Variants in RNF13 observed in about 807,000 individuals in gnomAD.
RNF13 encodes ring finger protein 13.
A neutral mutation model predicts 37.7 loss-of-function variants in RNF13; 19 were observed. The ratio of observed to expected loss-of-function variants is 0.50; its 90% CI spans 0.35 to 0.74. The LOEUF (loss-of-function observed/expected upper bound fraction) is 0.74, where lower values mean the gene tolerates loss of function less well. Ranked by LOEUF, RNF13 falls within the 30% of genes least tolerant of loss-of-function variation. The pLI, the probability that RNF13 is intolerant of heterozygous loss-of-function variation, is 0.01. For missense variants in RNF13, 375 were observed against 453.0 expected (o/e 0.83, Z 1.56); for synonymous variants, 144 against 157.8 (o/e 0.91, Z 0.65).
At chr3:149,885,079 A>G (rs1476851955) in intron 4 of RNF13, among the ~76,000 whole-genome samples, 22 of 152,134 alleles carry the variant, frequency 1.4e-4, no homozygotes, top group Admixed American at 1.4e-3. Context: ...TAATGGCTGA[A>G]TAGTACTCCA....
intron 4 of RNF13, among the ~76,000 whole-genome samples, chr3:149,876,149 G>C (rs1270958923): frequency 6.6e-6 from 1 of 152,162 alleles, no homozygotes; most frequent in African/African-American, 2.4e-5. Flanking sequence ...GGGTATAATG[G>C]TAAGTCACCA....
intron 7 of RNF13, among the ~76,000 whole-genome samples, chr3:149,916,934 A>G (rs570573153): frequency 6.6e-6 from 1 of 152,274 alleles, no homozygotes; most frequent in African/African-American, 2.4e-5. Context: ...CTACAACAAT[A>G]ACTTTAGCTG....
intron 6 of RNF13, among the ~76,000 whole-genome samples, chr3:149,911,294 T>C (rs1359975490): frequency 2.0e-5 from 3 of 152,166 alleles, no homozygotes; most frequent in Non-Finnish European, 4.4e-5. Flanking sequence ...AGGTTCTTTT[T>C]GGTACCCAAG....
At chr3:149,936,360 A>G (rs571161500) in intron 8 of RNF13, among the ~76,000 whole-genome samples, 146 of 152,138 alleles carry the variant, frequency 9.6e-4, no homozygotes, top group Non-Finnish European at 1.0e-3. Flanking sequence ...TTGAAGGCCA[A>G]TGACTCTTAA....
intron 8 of RNF13, among the ~76,000 whole-genome samples, chr3:149,946,250 A>G (rs879594599): frequency 2.6e-5 from 4 of 152,238 alleles, no homozygotes; most frequent in Non-Finnish European, 5.9e-5. Flanking sequence ...AAACCATGGC[A>G]TGAGAACTAC....
chr3:149,915,089 G>T (rs372798962), intron 7 of RNF13, among the ~76,000 whole-genome samples: 1 of 151,992 alleles, frequency 6.6e-6, no homozygotes, highest in Non-Finnish European at 1.5e-5. Flanking sequence ...TTTTAAATGG[G>T]TACTGGATTA....
intron 1 of RNF13, among the ~76,000 whole-genome samples, chr3:149,815,931 C>G (rs59458705): frequency 0.077 from 11,716 of 151,878 alleles, 491 homozygotes; most frequent in Middle Eastern, 0.099. Context: ...GGGACAGGGT[C>G]TTGCTCTGTT....
chr3:149,935,178 G>A (rs1027963224), intron 8 of RNF13, among the ~76,000 whole-genome samples: 1 of 152,096 alleles, frequency 6.6e-6, no homozygotes, highest in Non-Finnish European at 1.5e-5. Context: ...TATTTTATCT[G>A]ATATAAATAT....
intron 8 of RNF13, among the ~76,000 whole-genome samples, chr3:149,943,235 T>A (rs1467751103): frequency 1.3e-5 from 2 of 150,414 alleles, no homozygotes; most frequent in Non-Finnish European, 3.0e-5. Context: ...TTTTTTTTTT[T>A]AAGACTTTAT....
At chr3:149,922,183 A>G (rs1405607110) in intron 8 of RNF13, among the ~76,000 whole-genome samples, 3 of 152,134 alleles carry the variant, frequency 2.0e-5, no homozygotes, top group Non-Finnish European at 4.4e-5. Context: ...CATCTTGGCC[A>G]GGCTGGTCTT....
At chr3:149,951,661 A>G (rs927234048) in intron 8 of RNF13, among the ~76,000 whole-genome samples, 2 of 152,208 alleles carry the variant, frequency 1.3e-5, no homozygotes, top group African/African-American at 4.8e-5. Flanking sequence ...TGGGATGGGC[A>G]TTGCACCAAA....
intron 7 of RNF13, among the ~76,000 whole-genome samples, chr3:149,915,605 A>G (rs776398287): frequency 4.6e-5 from 7 of 152,236 alleles, no homozygotes; most frequent in Non-Finnish European, 1.0e-4. Flanking sequence ...CCAAGTGTAC[A>G]TTGATGGATG....
At chr3:149,817,578 C>G (rs924897860) in intron 1 of RNF13, among the ~76,000 whole-genome samples, 1 of 152,168 alleles carries the variant, frequency 6.6e-6, no homozygotes, top group Non-Finnish European at 1.5e-5. Context: ...ATCAGAGACT[C>G]TGTGTGCTTG....
At position 149,869,601 on chromosome 3, in the gene RNF13, G is replaced by A. The variant is rs185052318; in HGVS notation, c.196-2428G>A. ...AGCCTGGGCGACAGAGCGAGACTCC[G>A]CCTCAGAAAAAAAAAAAAGTTCACA... On this transcript the variant is annotated intron_variant, in intron 3 of 9. Coordinates refer to ENST00000392894, the MANE Select transcript of RNF13 (RefSeq NM_183381.3). Among the ~76,000 whole-genome samples, 72 of 151,278 alleles carry A rather than the reference G, an allele frequency of 4.8e-4. 1 individual carries two copies. The highest frequency in any genetic ancestry group is 9.5e-4 in the Non-Finnish European group (64 of 67,596).
chr3:149,951,768 TCA>T (rs750404144), intron 8 of RNF13, among the ~76,000 whole-genome samples: 2 of 152,178 alleles, frequency 1.3e-5, no homozygotes, highest in Non-Finnish European at 2.9e-5. Flanking sequence ...ATACATGAAT[TCA>T]GTTAGTTTTC....
In RNF13 at chr3:149,942,494, G is replaced by GT. The variant is rs200856211; in HGVS notation, c.701-17554dup. 3.3e-3 allele frequency among the ~76,000 whole-genome samples: 499 copies of GT among 151,364 alleles called. 2 individuals carry two copies. The highest frequency in any genetic ancestry group is 0.011 in the African/African-American group (445 of 41,280). On this transcript the variant is annotated intron_variant, in intron 8 of 9. Coordinates refer to ENST00000392894, the MANE Select transcript of RNF13 (RefSeq NM_183381.3). ...TTTTCTTAATTTCCTGTTTTGTTTT[G>GT]TTTTTTTTACAGGTTCTTTGGTTGA...
chr3:149,916,110 G>T (rs1717481589), intron 7 of RNF13, among the ~76,000 whole-genome samples: 1 of 151,708 alleles, frequency 6.6e-6, no homozygotes, highest in Non-Finnish European at 1.5e-5. Context: ...AAGAAAATTG[G>T]GGTTATCTGT....
chr3:149,902,935 A>G lies in RNF13; in HGVS notation c.500+773A>G, dbSNP rs116599602. ...TTTTGTTATCCATTTAATCCTCACA[A>G]CAACCCTCTAGTGGTTGTTATTATT... On this transcript the variant is annotated intron_variant, in intron 6 of 9. Coordinates refer to ENST00000392894, the MANE Select transcript of RNF13 (RefSeq NM_183381.3). Among the ~76,000 whole-genome samples the G allele has an allele frequency of 4.9e-3, 745 of 152,240 alleles. 2 individuals carry two copies. The highest frequency in any genetic ancestry group is 0.017 in the African/African-American group (716 of 41,570).
rs191904836 is a variant in RNF13, at chr3:149,902,113, G to C, written c.451G>C (p.Gly151Arg). 1.9e-5 allele frequency: 28 copies of C among 1,512,706 alleles called. No homozygotes were observed. The African/African-American group carries it at 3.6e-4, about 19-fold the overall frequency. The allele number at this position is 1,512,706 out of a possible 1,614,324, so 93.7% of individuals were successfully genotyped here. Residue 151 changes from glycine to arginine, a missense_variant, in exon 6 of 10, where the codon GGT becomes CGT. Coordinates refer to ENST00000392894, the MANE Select transcript of RNF13 (RefSeq NM_183381.3). ...KKIDIPSVFIGESSANSLKDE... is the reference protein window; with the variant it reads ...KKIDIPSVFIRESSANSLKDE... ...AATTGACATTCCATCTGTCTTTATT[G>C]GTGAATCATCAGCTAATTCTCTGAA...
Sources: allele counts gnomAD v4.1 joint callset (sites outside exome capture counted in the v4.1 genomes callset), GRCh38; gene constraint gnomAD v4.1.1; transcripts MANE v1.5; gene names NCBI Gene and HGNC (gene_info 2026-07-23, HGNC 2026-07-21).